NDST4: variants seen among roughly 807,000 people sequenced by gnomAD.
The protein encoded by NDST4 is N-heparan sulfate sulfotransferase 4.
In NDST4, 63 loss-of-function variants were observed where a neutral mutation model predicts 100.8. The observed-to-expected ratio is 0.62, with a 90% CI of 0.51 to 0.77. NDST4 has a LOEUF of 0.77. Among genes scored for constraint, NDST4 ranks in the 30% least tolerant of loss-of-function variants. The probability of loss-of-function intolerance (pLI) is 0.00; values close to 1 mark genes in which losing one functional copy is unlikely to be tolerated. For missense variants in NDST4, 943 were observed against 1,018.4 expected, an observed-to-expected ratio of 0.93 and a Z score of 1.01; for synonymous variants, 377 against 361.8, an observed-to-expected ratio of 1.04 and a Z score of -0.48.
At chr4:114,868,625 A>G (rs73850708) in intron 7 of NDST4, among the ~76,000 whole-genome samples, 2,688 of 152,098 alleles carry the variant, frequency 0.018, 84 homozygotes, top group African/African-American at 0.06. Flanking sequence ...ATTTGAGAAT[A>G]TATGATATTT....
chr4:115,064,609 T>C (rs970180148), intron 2 of NDST4, among the ~76,000 whole-genome samples: 1 of 152,058 alleles, frequency 6.6e-6, no homozygotes, highest in Non-Finnish European at 1.5e-5. Flanking sequence ...AGGCATTCCT[T>C]TAATTTTCTT....
chr4:115,011,063 T>C (rs1284489134), intron 2 of NDST4, among the ~76,000 whole-genome samples: 1 of 152,006 alleles, frequency 6.6e-6, no homozygotes, highest in African/African-American at 2.4e-5. Context: ...GCCTTCATTT[T>C]CCCACAATTC....
chr4:115,068,681 G>A (rs192459361), intron 2 of NDST4, among the ~76,000 whole-genome samples: 218 of 150,902 alleles, frequency 1.4e-3, no homozygotes, highest in Non-Finnish European at 2.7e-3. Context: ...GCCGGGTGTG[G>A]TGGTGAGTGC....
intron 7 of NDST4, 121 bp downstream of exon 7, chr4:114,870,647 A>C: frequency 1.3e-6 from 1 of 756,322 alleles, no homozygotes; most frequent in Non-Finnish European, 1.9e-6. Flanking sequence ...GTATTGTATA[A>C]AAGAGGATTT....
At chr4:114,963,267 C>A (rs1263863995) in intron 4 of NDST4, among the ~76,000 whole-genome samples, 1 of 152,042 alleles carries the variant, frequency 6.6e-6, no homozygotes, top group Non-Finnish European at 1.5e-5. Flanking sequence ...GAATGAAGTA[C>A]TGATATATGT....
chr4:114,975,037 C>T (rs763191865), intron 3 of NDST4, among the ~76,000 whole-genome samples: 1 of 151,984 alleles, frequency 6.6e-6, no homozygotes, highest in Non-Finnish European at 1.5e-5. Flanking sequence ...GAATGCACCT[C>T]CTTGATTTGC....
chr4:114,932,248 C>T (rs1315001031), intron 6 of NDST4, among the ~76,000 whole-genome samples: 1 of 151,864 alleles, frequency 6.6e-6, no homozygotes, highest in East Asian at 1.9e-4. Context: ...TGACAAAAAT[C>T]ATATGATCAT....
intron 8 of NDST4, among the ~76,000 whole-genome samples, chr4:114,850,467 T>C (rs866090366): frequency 6.6e-6 from 1 of 152,162 alleles, no homozygotes; most frequent in Non-Finnish European, 1.5e-5. Flanking sequence ...CCATAAAATC[T>C]GGGCCCATTA....
chr4:115,052,825 A>G (rs76476315), intron 2 of NDST4, among the ~76,000 whole-genome samples: 3,155 of 152,242 alleles, frequency 0.021, 118 homozygotes, highest in African/African-American at 0.072. Flanking sequence ...TACAGTGTTA[A>G]CACCTTCATT....
At chr4:114,983,061 A>G (rs1392802442) in intron 2 of NDST4, among the ~76,000 whole-genome samples, 1 of 152,188 alleles carries the variant, frequency 6.6e-6, no homozygotes, top group Non-Finnish European at 1.5e-5. Flanking sequence ...CCTGGATTTC[A>G]GAGGATGTAT....
chr4:114,845,636 G>C (rs1294098350), intron 10 of NDST4, among the ~76,000 whole-genome samples, 187 bp downstream of exon 10: 1 of 152,130 alleles, frequency 6.6e-6, no homozygotes, highest in East Asian at 1.9e-4. Flanking sequence ...ATGCCTGAAA[G>C]TCCTTGCCCA....
At chr4:115,002,091 T>C (rs998440027) in intron 2 of NDST4, among the ~76,000 whole-genome samples, 8 of 152,220 alleles carry the variant, frequency 5.3e-5, no homozygotes, top group African/African-American at 1.9e-4. Flanking sequence ...GGTACTACAA[T>C]GTTTGAACTA....
chr4:114,993,886 C>G (rs1268362160), intron 2 of NDST4, among the ~76,000 whole-genome samples: 1 of 151,944 alleles, frequency 6.6e-6, no homozygotes, highest in Non-Finnish European at 1.5e-5. Flanking sequence ...CATATCTTCT[C>G]TAACAACAGT....
At chr4:114,980,219 T>C (rs1726736249) in intron 2 of NDST4, among the ~76,000 whole-genome samples, 2 of 152,212 alleles carry the variant, frequency 1.3e-5, no homozygotes, top group African/African-American at 2.4e-5. Context: ...ACCCCTTATT[T>C]TGGAAAAGCT....
intron 2 of NDST4, among the ~76,000 whole-genome samples, chr4:115,039,765 A>G (rs1468890536): frequency 6.6e-6 from 1 of 152,126 alleles, no homozygotes; most frequent in Non-Finnish European, 1.5e-5. Context: ...ACCTAAGAAA[A>G]GAGGGGTGTG....
intron 2 of NDST4, among the ~76,000 whole-genome samples, chr4:115,013,314 A>G (rs1271168730): frequency 1.4e-5 from 2 of 144,580 alleles, no homozygotes; most frequent in African/African-American, 2.5e-5. Context: ...CTGTATCAAA[A>G]TATCTCATGT....
At chr4:115,010,847 T>C (rs1727528840) in intron 2 of NDST4, among the ~76,000 whole-genome samples, 2 of 152,098 alleles carry the variant, frequency 1.3e-5, no homozygotes, top group South Asian at 4.1e-4. Context: ...CTTCTAAAAA[T>C]GAAGATGCTA....
chr4:114,878,493 G>T (rs1394049410), intron 6 of NDST4, among the ~76,000 whole-genome samples: 5 of 152,136 alleles, frequency 3.3e-5, no homozygotes, highest in Non-Finnish European at 7.4e-5. Context: ...TATTTAATAA[G>T]TCTGAAAATA....
intron 4 of NDST4, among the ~76,000 whole-genome samples, chr4:114,969,051 C>T (rs967151730): frequency 1.3e-5 from 2 of 152,306 alleles, no homozygotes; most frequent in African/African-American, 2.4e-5. Context: ...TCAACTCATT[C>T]ATTTCTTCCT....
Sources: gnomAD v4.1 joint callset for allele counts (sites outside exome capture counted in the v4.1 genomes callset) on GRCh38, gnomAD v4.1.1 for gene constraint, MANE v1.5 for transcripts, NCBI Gene and HGNC (gene_info 2026-07-23, HGNC 2026-07-21) for gene names.